The following COL27A1 variants were observed in gnomAD, a reference collection of about 807,000 sequenced individuals.
The protein encoded by COL27A1 is collagen type XXVII alpha 1 chain.
Under a neutral mutation model 251.3 loss-of-function variants are expected in COL27A1, and 106 were observed. The ratio of observed to expected loss-of-function variants is 0.42; its 90% confidence interval spans 0.36 to 0.50. COL27A1 has a LOEUF of 0.50. Ranked by LOEUF, COL27A1 falls within the 20% of genes least tolerant of loss-of-function variation. The pLI, the probability that COL27A1 is intolerant of heterozygous loss-of-function variation, is 0.00. For synonymous variants in COL27A1, 1,000 were observed against 986.3 expected (o/e 1.01, Z -0.26); for missense variants, 2,325 against 2,522.8 (o/e 0.92, Z 1.68).
At chr9:114,280,348 G>A (rs62555438) in intron 37 of COL27A1, among the ~76,000 whole-genome samples, 12,018 of 151,914 alleles carry the variant, frequency 0.079, 604 homozygotes, top group Non-Finnish European at 0.1. Context: ...GATTACAGGC[G>A]TGCACTACCA....
chr9:114,201,815 A>G (rs1829599830), intron 7 of COL27A1, among the ~76,000 whole-genome samples: 1 of 152,214 alleles, frequency 6.6e-6, no homozygotes, highest in Non-Finnish European at 1.5e-5. Flanking sequence ...AGGCGCATCT[A>G]TAAGGGGATC....
In COL27A1 at chr9:114,300,925, G is replaced by A. The variant is rs931332436; in HGVS notation, c.4702-147G>A. 3 of 825,884 alleles carry A rather than the reference G, an allele frequency of 3.6e-6. No individual in the cohort carries two copies. In the African/African-American group the frequency reaches 5.1e-5, roughly 14 times the overall value. The allele number at this position is 825,884 out of a possible 1,614,324, so 51.2% of individuals were successfully genotyped here. On this transcript the variant is annotated intron_variant, in intron 51 of 60. Coordinates refer to ENST00000356083, the MANE Select transcript of COL27A1 (RefSeq NM_032888.4). Reference sequence around the variant, plus strand: ...GAAGTCCACCCCTAGGCACAAATGAGGGGCTCAGGAGATGCATGGCCTGGG... The same window carrying A: ...GAAGTCCACCCCTAGGCACAAATGAAGGGCTCAGGAGATGCATGGCCTGGG...
chr9:114,183,276 G>T (rs528603563), intron 5 of COL27A1, among the ~76,000 whole-genome samples: 1 of 152,358 alleles, frequency 6.6e-6, no homozygotes, highest in African/African-American at 2.4e-5. Context: ...GTCTGGGAGA[G>T]ACTTGGGAGA....
chr9:114,171,331 C>T (rs541917215), intron 3 of COL27A1, among the ~76,000 whole-genome samples: 7 of 152,204 alleles, frequency 4.6e-5, no homozygotes, highest in Non-Finnish European at 1.0e-4. Flanking sequence ...GCCTCCAAGA[C>T]TAGCACGTTC....
chr9:114,162,739 A>T lies in COL27A1; in HGVS notation c.87A>T (p.Leu29Phe), dbSNP rs778844878. 3 of 1,612,434 alleles carry T rather than the reference A, an allele frequency of 1.9e-6. No individual in the cohort carries two copies. Among genetic ancestry groups the T allele is most frequent in the Non-Finnish European group, 2.5e-6 (3 of 1,179,592 alleles). ...RGGGFLFSWI[L>F]VSFACHLAST... is the part of the protein sequence containing the mutation. ...GGGGGTTTCTCTTCTCCTGGATCTT[A>T]GTCTCGTTTGCCTGTCACCTGGCCT... Residue 29 changes from leucine (L) to phenylalanine (F), a missense_variant, in exon 2 of 61, where the codon TTA (leucine) becomes TTT (phenylalanine). Leu to Phe is a conservative substitution (Grantham distance 22). Around this residue, in one of 4 missense-constraint regions of COL27A1, gnomAD observed 1,183 missense variants for 1,144.1 expected, o/e 1.03. Transcript: ENST00000356083.
intron 55 of COL27A1, 73 bp downstream of exon 55, chr9:114,301,790 G>A: frequency 1.4e-6 from 2 of 1,436,518 alleles, no homozygotes; most frequent in Middle Eastern, 1.8e-4. Context: ...GGCTTCACCG[G>A]CAGACTAAGC....
intron 17 of COL27A1, 131 bp from the exon 18 acceptor site, chr9:114,236,850 A>G: frequency 1.3e-6 from 1 of 781,132 alleles, no homozygotes; most frequent in Non-Finnish European, 2.2e-6. Flanking sequence ...CAGCAGGGAA[A>G]GGAAGGAAGG....
At chr9:114,188,533 A>T (rs1828537770) in intron 5 of COL27A1, among the ~76,000 whole-genome samples, 1 of 152,138 alleles carries the variant, frequency 6.6e-6, no homozygotes, top group South Asian at 2.1e-4. Context: ...TGAGGATTAA[A>T]CTGTGTGTGT....
intron 14 of COL27A1, among the ~76,000 whole-genome samples, chr9:114,224,138 T>C: frequency 6.6e-6 from 1 of 152,192 alleles, no homozygotes; most frequent in East Asian, 1.9e-4. Context: ...GCACAAGGCA[T>C]TGACCTAAAT....
chr9:114,300,278 G>A, intron 50 of COL27A1, 155 bp downstream of exon 50: 1 of 716,052 alleles, frequency 1.4e-6, no homozygotes, highest in Non-Finnish European at 2.3e-6. Context: ...CAGTACTCCA[G>A]AAGATCTAGG....
intron 2 of COL27A1, among the ~76,000 whole-genome samples, chr9:114,163,127 G>A (rs1056614416): frequency 7.2e-5 from 11 of 152,052 alleles, no homozygotes; most frequent in Admixed American, 2.6e-4. Flanking sequence ...CCAGCTACTC[G>A]GGAGGCTGAG....
chr9:114,223,560 C>T (rs986328474), intron 14 of COL27A1, among the ~76,000 whole-genome samples: 1 of 152,136 alleles, frequency 6.6e-6, no homozygotes, highest in Non-Finnish European at 1.5e-5. Flanking sequence ...GGCCTCACTT[C>T]CCTGAGCCTC....
intron 8 of COL27A1, 33 bp from the exon 9 acceptor site, chr9:114,205,725 TC>T: frequency 6.2e-7 from 1 of 1,609,262 alleles, no homozygotes; most frequent in Non-Finnish European, 8.5e-7. Flanking sequence ...GCAGGGTCTT[TC>T]TTTTCCTTAT....
intron 14 of COL27A1, among the ~76,000 whole-genome samples, chr9:114,225,572 A>G (rs1831414718): frequency 6.6e-6 from 1 of 152,206 alleles, no homozygotes; most frequent in South Asian, 2.1e-4. Flanking sequence ...CCTGGGGAAA[A>G]AAACTGTCTC....
intron 36 of COL27A1, 58 bp downstream of exon 36, chr9:114,270,839 C>A: frequency 7.6e-7 from 1 of 1,311,692 alleles, no homozygotes; most frequent in Non-Finnish European, 1.1e-6. Context: ...CTTTCCCATC[C>A]AAGACCTAAG....
chr9:114,183,049 G>A lies in COL27A1; in HGVS notation c.1990G>A (p.Gly664Ser). The change falls in exon 5 of 61, where the codon GGT becomes AGT. Residue 664 changes from glycine to serine, a missense_variant. Physicochemically the swap from Gly to Ser is moderately conservative, Grantham distance 56. Transcript: ENST00000356083. ...TCCTCCTGGGCCTTATGGAAATCCA[G>A]GTCTCCCCGGCCCTCCTGGAGCCAA... ...RGPPGPYGNP[G>S]LPGPPGAKGQ... 1 of 1,613,558 alleles carries A rather than the reference G, an allele frequency of 6.2e-7. No individual in the cohort carries two copies. The highest frequency in any genetic ancestry group is 8.5e-7 in the Non-Finnish European group (1 of 1,179,964).
chr9:114,178,833 A>C (rs117937277), intron 4 of COL27A1, among the ~76,000 whole-genome samples: 2,334 of 152,166 alleles, frequency 0.015, 25 homozygotes, highest in Non-Finnish European at 0.024. Context: ...TGGCTGACTG[A>C]GCTAGCCCAA....
At chr9:114,253,798 A>G (rs1354491929) in intron 27 of COL27A1, among the ~76,000 whole-genome samples, 1 of 152,156 alleles carries the variant, frequency 6.6e-6, no homozygotes, top group African/African-American at 2.4e-5. Context: ...GTTCCCTGGA[A>G]GCATTTTGGT....
chr9:114,221,819 C>T (rs1831129709), intron 13 of COL27A1, among the ~76,000 whole-genome samples: 1 of 152,248 alleles, frequency 6.6e-6, no homozygotes, highest in Non-Finnish European at 1.5e-5. Flanking sequence ...TTGGAGCCCT[C>T]ATGGCTTTGT....
Sources: allele counts gnomAD v4.1 joint callset (sites outside exome capture counted in the v4.1 genomes callset), GRCh38; gene constraint gnomAD v4.1.1; regional missense constraint gnomAD v4.1.1; transcripts MANE v1.5; gene names NCBI Gene and HGNC (gene_info 2026-07-23, HGNC 2026-07-21).